The following PTPRQ variants were observed in gnomAD, a reference collection of about 807,000 sequenced individuals.
The protein encoded by PTPRQ is phosphatidylinositol phosphatase PTPRQ.
A neutral mutation model predicts 246.0 loss-of-function variants in PTPRQ; 199 were observed. The observed-to-expected ratio is 0.81, with a 90% CI of 0.72 to 0.91. The LOEUF is 0.91. Ranked by LOEUF, PTPRQ falls within the 40% of genes least tolerant of loss-of-function variation. PTPRQ has a pLI of 0.00. For synonymous variants in PTPRQ, 869 were observed against 853.2 expected, an observed-to-expected ratio of 1.02 and a Z score of -0.32; for missense variants, 2,624 against 2,528.4, an observed-to-expected ratio of 1.04 and a Z score of -0.81.
chr12:80,463,612 A>G lies in PTPRQ; in HGVS notation c.910+2710A>G, dbSNP rs1217381358. Among the ~76,000 whole-genome samples, 8 of 152,044 alleles carry G rather than the reference A, an allele frequency of 5.3e-5. No individual in the cohort carries two copies. The South Asian group carries it at 1.7e-3, about 32-fold the overall frequency. On this transcript the variant is annotated intron_variant, in intron 6 of 44. Transcript: ENST00000644991. ...GAAGGAAAAAATGTTAAGGGCAGCC[A>G]GAGAGAAAGGTCGGGTTACCCACAA... is the stretch of plus-strand genomic sequence containing the variant.
intron 9 of PTPRQ, among the ~76,000 whole-genome samples, chr12:80,485,549 A>G (rs1228873190): frequency 6.6e-6 from 1 of 152,134 alleles, no homozygotes; most frequent in Non-Finnish European, 1.5e-5. Context: ...CCTGTATGTG[A>G]CAGTTGACCT....
intron 15 of PTPRQ, 26 bp from the exon 16 acceptor site, chr12:80,506,543 A>G: frequency 6.8e-7 from 1 of 1,465,852 alleles, no homozygotes; most frequent in Non-Finnish European, 9.2e-7. Context: ...TGTAAGTTTC[A>G]ACTTACCTAT....
intron 9 of PTPRQ, among the ~76,000 whole-genome samples, chr12:80,485,922 G>A (rs759263293): frequency 4.0e-5 from 6 of 151,890 alleles, no homozygotes; most frequent in African/African-American, 4.8e-5. Context: ...TGCAATTCTC[G>A]TCTCATAGTA....
chr12:80,506,787 C>A lies in PTPRQ; in HGVS notation c.2557+117C>A, dbSNP rs150664861. ...TCATGGGTATCAGTTGTGTACCATA[C>A]CAGCGTTATACAGAGATTTCATTGT... On this transcript the variant is annotated intron_variant, in intron 16 of 44. Transcript: ENST00000644991. The A allele has an allele frequency of 6.9e-5, 54 of 777,950 alleles. 2 individuals carry two copies. Among genetic ancestry groups the A allele is most frequent in the African/African-American group, 6.7e-4 (37 of 54,918 alleles). The allele number at this position is 777,950 out of a possible 1,614,324, so 48.2% of individuals were successfully genotyped here. A position where few individuals can be genotyped will look rare whatever the true frequency, so the allele number is the denominator to read the frequency against.
At chr12:80,648,263 T>G (rs1184296104) in intron 35 of PTPRQ, among the ~76,000 whole-genome samples, 1 of 152,134 alleles carries the variant, frequency 6.6e-6, no homozygotes, top group African/African-American at 2.4e-5. Flanking sequence ...TTGTTGTGCA[T>G]GACGTAAGTG....
intron 16 of PTPRQ, 116 bp from the exon 17 acceptor site, chr12:80,510,207 C>A: frequency 9.3e-7 from 1 of 1,078,786 alleles, no homozygotes; most frequent in Non-Finnish European, 1.2e-6. Context: ...TGGAGAAAAG[C>A]ACTGAACCTA....
In PTPRQ at chr12:80,625,537, T is replaced by C. The variant is rs539637706; in HGVS notation, c.5686+3403T>C. On this transcript the variant is annotated intron_variant, in intron 33 of 44. Transcript: ENST00000644991. ...GTAATTATGCCTCTCAGAGACGTTA[T>C]TATTTGGAGTTTAAAATTAGGGGCA... Among the ~76,000 whole-genome samples, 8 of 152,270 alleles carry C rather than the reference T, an allele frequency of 5.3e-5. No homozygotes were observed. In the East Asian group the frequency reaches 1.5e-3, roughly 29 times the overall value.
At chr12:80,653,630 A>T (rs1900327165) in intron 38 of PTPRQ, among the ~76,000 whole-genome samples, 1 of 152,156 alleles carries the variant, frequency 6.6e-6, no homozygotes. Flanking sequence ...GCTTTTTCAA[A>T]TGTATATTGG....
At chr12:80,451,172 G>C (rs11525614) in intron 3 of PTPRQ, among the ~76,000 whole-genome samples, 1 of 151,490 alleles carries the variant, frequency 6.6e-6, no homozygotes, top group Non-Finnish European at 1.5e-5. Flanking sequence ...GCATAGAGGT[G>C]TTTGTAGTAT....
chr12:80,531,211 G>A (rs1415351207), intron 17 of PTPRQ, among the ~76,000 whole-genome samples: 2 of 152,064 alleles, frequency 1.3e-5, no homozygotes, highest in Non-Finnish European at 1.5e-5. Flanking sequence ...AAATAACTAT[G>A]ATATATCCAA....
At chr12:80,522,388 T>G (rs948401131) in intron 17 of PTPRQ, among the ~76,000 whole-genome samples, 1 of 152,122 alleles carries the variant, frequency 6.6e-6, no homozygotes, top group African/African-American at 2.4e-5. Context: ...GGCCAGAACT[T>G]CCAACACTAT....
rs1897678680 is a variant in PTPRQ, at chr12:80,588,159, C to T, written c.4316C>T (p.Ser1439Phe). 5.9e-6 allele frequency: 9 copies of T among 1,519,714 alleles called. 1 individual carries two copies. The highest frequency in any genetic ancestry group is 5.0e-5 in the East Asian group (2 of 39,816). The allele number at this position is 1,519,714 out of a possible 1,614,324, so 94.1% of individuals were successfully genotyped here. Residue 1439 changes from serine (S) to phenylalanine (F), a missense_variant, in exon 26 of 45, where the codon TCT becomes TTT. By Grantham distance (155) the Ser-to-Phe change is radical. Transcript: ENST00000644991. ...AGTGTTCCCACAAATATTGCTTTTT[C>T]TGATGTTCAGTCAACTAGTGCAACA... Reference protein sequence around the residue: ...VPSVPTNIAFSDVQSTSATLT... With the variant: ...VPSVPTNIAFFDVQSTSATLT...
intron 17 of PTPRQ, 51 bp from the exon 18 acceptor site, chr12:80,533,964 A>T: frequency 7.5e-7 from 1 of 1,334,154 alleles, no homozygotes; most frequent in South Asian, 1.7e-5. Flanking sequence ...CTCAAAAAGT[A>T]TTGTTAACTT....
Position 80,496,121 on chromosome 12 carries a change from T to A in PTPRQ, c.1990+15T>A, listed in dbSNP as rs1224276728. The A allele has an allele frequency of 1.3e-6, 2 of 1,544,970 alleles. No individual in the cohort carries two copies. Among genetic ancestry groups the A allele is most frequent in the Non-Finnish European group, 1.7e-6 (2 of 1,144,908 alleles). ...TTCAGAAGATGGTAAGAATATCAAT[T>A]GCAGCTTTAATTTTTTTAAAAAAGT... On this transcript the variant is annotated intron_variant, in intron 13 of 44. Coordinates refer to ENST00000644991, the MANE Select transcript of PTPRQ (RefSeq NM_001145026.2).
intron 39 of PTPRQ, among the ~76,000 whole-genome samples, chr12:80,658,553 A>G (rs1900521664): frequency 6.6e-6 from 1 of 152,034 alleles, no homozygotes; most frequent in Non-Finnish European, 1.5e-5. Context: ...AAATTCATGG[A>G]ATCTTAAAGA....
chr12:80,619,386 C>T lies in PTPRQ; in HGVS notation c.5233C>T (p.Pro1745Ser). 1 of 1,546,396 alleles carries T rather than the reference C, an allele frequency of 6.5e-7. No individual in the cohort carries two copies. Among genetic ancestry groups the T allele is most frequent in the South Asian group, 1.2e-5 (1 of 83,708 alleles). Residue 1745 changes from proline (P) to serine (S), a missense_variant and splice_region_variant, in exon 31 of 45, where the codon CCA (proline) becomes TCA (serine). Transcript: ENST00000644991. ...TGATATTTCTTCTTTGTTTATAGCT[C>T]CAGCACGACCAAAAACCAAACCAAC... ...PMRITMDIKA[P>S]ARPKTKPTPI...
chr12:80,635,474 C>A (rs887205580), intron 35 of PTPRQ, among the ~76,000 whole-genome samples: 2 of 151,820 alleles, frequency 1.3e-5, no homozygotes, highest in Admixed American at 1.3e-4. Context: ...TATTTATATC[C>A]ATTTTTATAA....
rs576648976 is a variant in PTPRQ, at chr12:80,503,354, G to A, written c.2273-2670G>A. ...GATAGTGGAATTATATTGCTAAATC[G>A]AACTATGCATTGAATTGCAATCCTC... On this transcript the variant is annotated intron_variant, in intron 14 of 44. Coordinates refer to ENST00000644991, the MANE Select transcript of PTPRQ (RefSeq NM_001145026.2). Among the ~76,000 whole-genome samples the A allele has an allele frequency of 7.2e-5, 11 of 151,824 alleles. No individual in the cohort carries two copies. The Middle Eastern group carries it at 0.014, about 188-fold the overall frequency.
chr12:80,540,629 A>T (rs1408244860), intron 20 of PTPRQ, among the ~76,000 whole-genome samples: 4 of 152,088 alleles, frequency 2.6e-5, no homozygotes, highest in Admixed American at 6.6e-5. Flanking sequence ...CATGTTTATT[A>T]TCTGAAAGCC....
Sources: allele counts gnomAD v4.1 joint callset (sites outside exome capture counted in the v4.1 genomes callset), GRCh38; gene constraint gnomAD v4.1.1; transcripts MANE v1.5; gene names NCBI Gene and HGNC (gene_info 2026-07-23, HGNC 2026-07-21).